The following ADGRL3 variants were observed in gnomAD, a reference collection of about 807,000 sequenced individuals.
ADGRL3 encodes calcium-independent alpha-latrotoxin receptor 3.
Under a neutral mutation model 153.5 loss-of-function variants are expected in ADGRL3, and 62 were observed. That is an observed-to-expected ratio of 0.40 (90% CI 0.33 to 0.50). The LOEUF is 0.50. Among genes scored for constraint, ADGRL3 ranks in the 20% least tolerant of loss-of-function variants. The pLI is 0.47. For synonymous variants in ADGRL3, 710 were observed against 672.5 expected, an observed-to-expected ratio of 1.06 and a Z score of -0.86; for missense variants, 1,641 against 1,859.4, an observed-to-expected ratio of 0.88 and a Z score of 2.16.
intron 1 of ADGRL3, among the ~76,000 whole-genome samples, chr4:61,366,471 C>T (rs1198923357): frequency 1.3e-5 from 2 of 152,016 alleles, no homozygotes; most frequent in African/African-American, 4.8e-5. Flanking sequence ...TAAAATATAG[C>T]CGTAATAAAT....
In ADGRL3 at chr4:62,004,951, C is replaced by T. The variant is rs190154649; in HGVS notation, c.3395+6686C>T. 2.4e-3 allele frequency among the ~76,000 whole-genome samples: 362 copies of T among 152,088 alleles called. 10 individuals are homozygous for T. Among genetic ancestry groups the T allele is most frequent in the Admixed American group, 0.022 (330 of 15,234 alleles). Reference sequence around the variant, plus strand: ...TAAACATTACTAGAAATCACCATAACAATATCATAAGCAATCCAAGTGTAT... The same window carrying T: ...TAAACATTACTAGAAATCACCATAATAATATCATAAGCAATCCAAGTGTAT... On this transcript the variant is annotated intron_variant, in intron 21 of 26. Transcript: ENST00000683033.
intron 1 of ADGRL3, among the ~76,000 whole-genome samples, chr4:61,233,041 G>T (rs1437020685): frequency 6.6e-6 from 1 of 152,048 alleles, no homozygotes; most frequent in Non-Finnish European, 1.5e-5. Flanking sequence ...TATTTGTATA[G>T]ATTTATCAAA....
At chr4:61,938,712 A>G (rs549456050) in intron 15 of ADGRL3, among the ~76,000 whole-genome samples, 7 of 151,920 alleles carry the variant, frequency 4.6e-5, no homozygotes, top group Non-Finnish European at 8.8e-5. Context: ...AGGCTTCTGC[A>G]TCTGATTGGA....
intron 3 of ADGRL3, among the ~76,000 whole-genome samples, chr4:61,511,130 G>A (rs1212178891): frequency 6.6e-6 from 1 of 152,060 alleles, no homozygotes; most frequent in Non-Finnish European, 1.5e-5. Context: ...GGGCAAGGTG[G>A]GCTGATCACT....
At chr4:61,789,163 C>G (rs2097311542) in intron 8 of ADGRL3, among the ~76,000 whole-genome samples, 1 of 151,910 alleles carries the variant, frequency 6.6e-6, no homozygotes, top group African/African-American at 2.4e-5. Flanking sequence ...GATAACTATA[C>G]CTCGATTTTA....
At chr4:61,222,424 A>G (rs1241277691) in intron 1 of ADGRL3, among the ~76,000 whole-genome samples, 1 of 152,006 alleles carries the variant, frequency 6.6e-6, no homozygotes, top group Non-Finnish European at 1.5e-5. Flanking sequence ...AAGAAATAAC[A>G]AGCAATATTT....
chr4:61,774,545 T>C (rs1014982394), intron 8 of ADGRL3, among the ~76,000 whole-genome samples: 1 of 152,022 alleles, frequency 6.6e-6, no homozygotes, highest in Admixed American at 6.6e-5. Context: ...AGGATGTGTG[T>C]AGGTTATATG....
chr4:61,927,007 C>A (rs1395097649), intron 13 of ADGRL3, among the ~76,000 whole-genome samples: 1 of 152,188 alleles, frequency 6.6e-6, no homozygotes, highest in Non-Finnish European at 1.5e-5. Context: ...TCTCCTACTT[C>A]ATGGAGCTTT....
At chr4:61,661,642 T>C (rs1419183016) in intron 5 of ADGRL3, among the ~76,000 whole-genome samples, 1 of 152,150 alleles carries the variant, frequency 6.6e-6, no homozygotes, top group Non-Finnish European at 1.5e-5. Context: ...AATATTAATA[T>C]TGATTAATAT....
chr4:61,605,334 A>T (rs1432175679), intron 5 of ADGRL3, among the ~76,000 whole-genome samples: 1 of 152,080 alleles, frequency 6.6e-6, no homozygotes, highest in Non-Finnish European at 1.5e-5. Flanking sequence ...AAAAGTAAAT[A>T]ATATTTTTTA....
chr4:61,214,501 A>G lies in ADGRL3; in HGVS notation c.-240+12736A>G, dbSNP rs149345742. 5.1e-3 allele frequency among the ~76,000 whole-genome samples: 776 copies of G among 152,372 alleles called. 6 individuals carry two copies. The highest frequency in any genetic ancestry group is 0.018 in the African/African-American group (736 of 41,584). ...GTAGGAGCAAATTATCAGTCAATGC[A>G]TTTAAAATAAATGAAGTTTGTCTAT... On this transcript the variant is annotated intron_variant, in intron 1 of 26. Transcript: ENST00000683033.
chr4:61,559,748 C>T (rs1226915416), intron 4 of ADGRL3, among the ~76,000 whole-genome samples: 2 of 151,822 alleles, frequency 1.3e-5, no homozygotes, highest in African/African-American at 4.8e-5. Context: ...TTGCTTATGT[C>T]CATACTAGTA....
intron 21 of ADGRL3, among the ~76,000 whole-genome samples, chr4:62,000,243 T>C (rs1192002176): frequency 6.6e-6 from 1 of 151,782 alleles, no homozygotes; most frequent in African/African-American, 2.4e-5. Context: ...CTTTGTCCTA[T>C]ATTTCAAGTA....
At chr4:61,500,460 G>A (rs1249907124) in intron 3 of ADGRL3, among the ~76,000 whole-genome samples, 1 of 152,082 alleles carries the variant, frequency 6.6e-6, no homozygotes, top group Non-Finnish European at 1.5e-5. Flanking sequence ...AAATATAATA[G>A]GATAGGAATT....
At chr4:62,007,836 G>A (rs2099167108) in intron 21 of ADGRL3, among the ~76,000 whole-genome samples, 1 of 152,052 alleles carries the variant, frequency 6.6e-6, no homozygotes, top group South Asian at 2.1e-4. Context: ...TTGAGATTGA[G>A]GGTAGATAGT....
intron 5 of ADGRL3, among the ~76,000 whole-genome samples, chr4:61,611,684 A>C (rs1386313459): frequency 6.6e-6 from 1 of 152,102 alleles, no homozygotes; most frequent in Non-Finnish European, 1.5e-5. Flanking sequence ...GCACTTTCAG[A>C]GACTGGGGTT....
intron 1 of ADGRL3, among the ~76,000 whole-genome samples, chr4:61,341,307 T>G (rs1272371010): frequency 6.6e-6 from 1 of 151,990 alleles, no homozygotes; most frequent in African/African-American, 2.4e-5. Flanking sequence ...GATTAATATT[T>G]TCCTTTGAGT....
chr4:61,692,913 G>A (rs1042347893), intron 6 of ADGRL3, among the ~76,000 whole-genome samples: 5 of 152,016 alleles, frequency 3.3e-5, no homozygotes, highest in Non-Finnish European at 5.9e-5. Context: ...GGAAAAATGT[G>A]AGCTCCTACC....
intron 2 of ADGRL3, among the ~76,000 whole-genome samples, chr4:61,475,118 G>T (rs574500621): frequency 6.6e-6 from 1 of 152,214 alleles, no homozygotes; most frequent in Non-Finnish European, 1.5e-5. Flanking sequence ...CATTCTGAAC[G>T]GAGTTATCCC....
Sources: allele counts gnomAD v4.1 joint callset (sites outside exome capture counted in the v4.1 genomes callset), GRCh38; gene constraint gnomAD v4.1.1; transcripts MANE v1.5; gene names NCBI Gene and HGNC (gene_info 2026-07-23, HGNC 2026-07-21).